Variants in DOK6 observed in about 807,000 individuals in gnomAD.
The protein encoded by DOK6 is downstream of tyrosine kinase 6.
In DOK6, 22 loss-of-function variants were observed where a neutral mutation model predicts 44.0. The observed-to-expected ratio is 0.50, with a 90% CI of 0.36 to 0.71. DOK6 has a LOEUF of 0.71. Ranked by LOEUF, DOK6 falls within the 30% of genes least tolerant of loss-of-function variation. The pLI, the probability that DOK6 is intolerant of heterozygous loss-of-function variation, is 0.00. For missense variants in DOK6, 340 were observed against 416.4 expected, an observed-to-expected ratio of 0.82 and a Z score of 1.60; for synonymous variants, 166 against 145.5, an observed-to-expected ratio of 1.14 and a Z score of -1.01.
chr18:69,580,001 A>T (rs12966932), intron 2 of DOK6, among the ~76,000 whole-genome samples: 62,609 of 152,064 alleles, frequency 0.41, 14,111 homozygotes, highest in South Asian at 0.5. Context: ...CATTATCCCA[A>T]ATAATTGAAT....
chr18:69,542,006 A>G (rs1328867622), intron 1 of DOK6, among the ~76,000 whole-genome samples: 1 of 151,554 alleles, frequency 6.6e-6, no homozygotes. Flanking sequence ...GCTTAGTTTG[A>G]GTAAAAAGAA....
At chr18:69,750,794 G>A (rs1979151860) in intron 6 of DOK6, among the ~76,000 whole-genome samples, 1 of 152,168 alleles carries the variant, frequency 6.6e-6, no homozygotes, top group Admixed American at 6.6e-5. Flanking sequence ...ACTGCAGCAT[G>A]TTTCACAATA....
chr18:69,645,563 T>C (rs1207572222), intron 3 of DOK6, among the ~76,000 whole-genome samples: 1 of 152,134 alleles, frequency 6.6e-6, no homozygotes, highest in African/African-American at 2.4e-5. Flanking sequence ...GCAAAATACA[T>C]GCTAGTAGGA....
At chr18:69,754,460 A>G (rs998312218) in intron 6 of DOK6, among the ~76,000 whole-genome samples, 10 of 118,642 alleles carry the variant, frequency 8.4e-5, no homozygotes, top group African/African-American at 2.4e-4. Flanking sequence ...TCATAACAAA[A>G]TTAAGAATTG....
chr18:69,533,494 C>T lies in DOK6; in HGVS notation c.67-30993C>T, dbSNP rs1020311509. Among the ~76,000 whole-genome samples the T allele has an allele frequency of 1.8e-4, 27 of 151,980 alleles. 1 individual carries two copies. The highest frequency in any genetic ancestry group is 1.5e-3 in the Admixed American group (23 of 15,264). On this transcript the variant is annotated intron_variant, in intron 1 of 7. Coordinates refer to ENST00000382713, the MANE Select transcript of DOK6 (RefSeq NM_152721.6). Reference sequence around the variant, plus strand: ...TGAAAAATACAAACATGAAATGATTCGTATTATGCAAATATAAGTATTAAT... The same window carrying T: ...TGAAAAATACAAACATGAAATGATTTGTATTATGCAAATATAAGTATTAAT...
intron 1 of DOK6, among the ~76,000 whole-genome samples, chr18:69,435,599 T>C (rs940553129): frequency 6.6e-6 from 1 of 152,170 alleles, no homozygotes; most frequent in African/African-American, 2.4e-5. Context: ...TTTGGAACAA[T>C]AAAGTCAGGA....
chr18:69,826,375 C>CA (rs1163090696), intron 7 of DOK6, among the ~76,000 whole-genome samples: 2 of 151,906 alleles, frequency 1.3e-5, no homozygotes, highest in Non-Finnish European at 2.9e-5. Flanking sequence ...TTTCTTTAGC[C>CA]AAAAACATTA....
intron 3 of DOK6, among the ~76,000 whole-genome samples, chr18:69,673,063 C>T: frequency 6.6e-6 from 1 of 151,924 alleles, no homozygotes; most frequent in East Asian, 1.9e-4. Context: ...CTACATTTTC[C>T]AAAGATTATT....
At chr18:69,481,302 C>T (rs1248390362) in intron 1 of DOK6, among the ~76,000 whole-genome samples, 1 of 151,894 alleles carries the variant, frequency 6.6e-6, no homozygotes, top group East Asian at 1.9e-4. Context: ...TATACATGTG[C>T]CATGTTGGTG....
At chr18:69,620,651 A>G (rs1194225136) in intron 3 of DOK6, among the ~76,000 whole-genome samples, 1 of 152,198 alleles carries the variant, frequency 6.6e-6, no homozygotes, top group Non-Finnish European at 1.5e-5. Context: ...TAATATCAAA[A>G]GTACAATGTC....
chr18:69,402,784 A>T (rs1220025493), intron 1 of DOK6, among the ~76,000 whole-genome samples: 1 of 152,198 alleles, frequency 6.6e-6, no homozygotes, highest in Non-Finnish European at 1.5e-5. Context: ...AAGGCGAGAG[A>T]GAGCAGGCGC....
chr18:69,568,614 G>A (rs560196433), intron 2 of DOK6, among the ~76,000 whole-genome samples: 37 of 152,306 alleles, frequency 2.4e-4, no homozygotes, highest in African/African-American at 8.4e-4. Context: ...ATGAACCAGT[G>A]CTGGGCTGTG....
At chr18:69,603,726 G>C (rs1375551550) in intron 3 of DOK6, among the ~76,000 whole-genome samples, 3 of 135,682 alleles carry the variant, frequency 2.2e-5, no homozygotes, top group Middle Eastern at 4.5e-3. Flanking sequence ...AGCCGAGATC[G>C]CGCCACTGCA....
chr18:69,541,863 A>T (rs1982277620), intron 1 of DOK6, among the ~76,000 whole-genome samples: 1 of 151,606 alleles, frequency 6.6e-6, no homozygotes, highest in Non-Finnish European at 1.5e-5. Context: ...AAAAGTAATC[A>T]ATTTGGCCAG....
At chr18:69,656,635 CTAT>C (rs1233530754) in intron 3 of DOK6, among the ~76,000 whole-genome samples, 1 of 152,088 alleles carries the variant, frequency 6.6e-6, no homozygotes, top group Non-Finnish European at 1.5e-5. Flanking sequence ...GCTAAGATAA[CTAT>C]TTTAAGAATT....
chr18:69,751,317 C>A (rs73970254), intron 6 of DOK6, among the ~76,000 whole-genome samples: 26 of 106,416 alleles, frequency 2.4e-4, no homozygotes, highest in African/African-American at 7.3e-4. Flanking sequence ...ATTTATTTCA[C>A]TTGTATTCAT....
At chr18:69,800,100 A>AC (rs1475859833) in intron 7 of DOK6, among the ~76,000 whole-genome samples, 1 of 152,000 alleles carries the variant, frequency 6.6e-6, no homozygotes, top group African/African-American at 2.4e-5. Flanking sequence ...ATTAAAAAAA[A>AC]ACACACAAAA....
At chr18:69,416,623 A>G (rs1221564775) in intron 1 of DOK6, among the ~76,000 whole-genome samples, 2 of 152,054 alleles carry the variant, frequency 1.3e-5, no homozygotes, top group East Asian at 3.9e-4. Context: ...AATTTCACCT[A>G]TTTAACAATA....
Position 69,479,820 on chromosome 18 carries a change from GCTT to G in DOK6, c.66+78511_66+78513del, listed in dbSNP as rs567470773. On this transcript the variant is annotated intron_variant, in intron 1 of 7. Coordinates refer to ENST00000382713, the MANE Select transcript of DOK6 (RefSeq NM_152721.6). ...CAAATTGCTTAGAATTTTATAAAGGGCTTTGAATGAAGGATGCCACTAATATGA... is the reference window on the plus strand; with the variant it reads ...CAAATTGCTTAGAATTTTATAAAGGGTGAATGAAGGATGCCACTAATATGA... Among the ~76,000 whole-genome samples, 11 of 152,192 alleles carry G rather than the reference GCTT, an allele frequency of 7.2e-5. 1 individual carries two copies. In the South Asian group the frequency reaches 2.1e-3, roughly 29 times the overall value.
Sources: gnomAD v4.1 joint callset for allele counts (sites outside exome capture counted in the v4.1 genomes callset) on GRCh38, gnomAD v4.1.1 for gene constraint, MANE v1.5 for transcripts, NCBI Gene and HGNC (gene_info 2026-07-23, HGNC 2026-07-21) for gene names.